DEFB121: variants seen among roughly 807,000 people sequenced by gnomAD.
DEFB121 encodes beta-defensin 121.
In DEFB121, 5 loss-of-function variants were observed where a neutral mutation model predicts 2.5. That is an observed-to-expected ratio of 1.96 (90% CI 1.03 to 4.13). The LOEUF is 4.13. Among genes scored for constraint, DEFB121 ranks in the 30% most tolerant of loss-of-function variants. DEFB121 has a pLI of 0.00. For missense variants in DEFB121, 87 were observed against 85.0 expected (o/e 1.02, Z -0.09); for synonymous variants, 39 against 32.6 (o/e 1.20, Z -0.67).
chr20:31,405,224 C>A (rs1978438245), intron 1 of DEFB121, 139 bp from the exon 2 acceptor site: 1 of 801,386 alleles, frequency 1.2e-6, no homozygotes, highest in Non-Finnish European at 1.9e-6. Context: ...ACACAGGATC[C>A]CCTAAGTTTA....
chr20:31,416,204 G>T (rs1978800904), upstream of DEFB121, among the ~76,000 whole-genome samples: 1 of 152,140 alleles, frequency 6.6e-6, no homozygotes, highest in African/African-American at 2.4e-5. Context: ...GGGACTACAG[G>T]TGTGCGCCAC....
At chr20:31,405,312 T>C (rs2122346862) in intron 1 of DEFB121, among the ~76,000 whole-genome samples, 2 of 151,642 alleles carry the variant, frequency 1.3e-5, no homozygotes, top group East Asian at 3.9e-4. Flanking sequence ...CCCAACTCAG[T>C]GGCATAGGAC....
chr20:31,418,489 A>G, the DEFB121 span, among the ~76,000 whole-genome samples: 1 of 152,098 alleles, frequency 6.6e-6, no homozygotes, highest in African/African-American at 2.4e-5. Flanking sequence ...AGGCACCAAA[A>G]TCACCTTTTC....
chr20:31,414,959 T>C (rs2122365033), upstream of DEFB121, among the ~76,000 whole-genome samples: 1 of 151,962 alleles, frequency 6.6e-6, no homozygotes, highest in South Asian at 2.1e-4. Context: ...AGTGGGGAGG[T>C]GGTGCTGAGA....
upstream of DEFB121, among the ~76,000 whole-genome samples, chr20:31,407,199 G>A (rs577473800): frequency 3.4e-3 from 510 of 151,946 alleles, 5 homozygotes; most frequent in African/African-American, 0.011. Context: ...GCAGTGAGCC[G>A]AGATTGTGCC....
upstream of DEFB121, among the ~76,000 whole-genome samples, chr20:31,409,940 G>A (rs1228674377): frequency 1.3e-5 from 2 of 152,082 alleles, no homozygotes; most frequent in Non-Finnish European, 2.9e-5. Flanking sequence ...GGCATTGACT[G>A]AGATGGGGCA....
upstream of DEFB121, among the ~76,000 whole-genome samples, chr20:31,406,600 C>A (rs540958769): frequency 3.3e-5 from 5 of 152,150 alleles, no homozygotes; most frequent in South Asian, 1.0e-3. Context: ...ATTATAATAC[C>A]AAATGAAGGG....
chr20:31,408,680 A>G (rs1978564932), upstream of DEFB121, among the ~76,000 whole-genome samples: 1 of 152,164 alleles, frequency 6.6e-6, no homozygotes, highest in South Asian at 2.1e-4. Flanking sequence ...TCAAGTTTAA[A>G]TTTTGTATAA....
intron 1 of DEFB121, among the ~76,000 whole-genome samples, chr20:31,405,893 G>T (rs997024526): frequency 6.6e-6 from 1 of 152,174 alleles, no homozygotes; most frequent in Non-Finnish European, 1.5e-5. Context: ...CAGAGATAAG[G>T]TTGGAATGGT....
At chr20:31,417,500 A>G (rs1249210261), upstream of DEFB121, among the ~76,000 whole-genome samples, 1 of 152,234 alleles carries the variant, frequency 6.6e-6, no homozygotes, top group Non-Finnish European at 1.5e-5. Context: ...GGAGTCCAAC[A>G]TATGAAAAAT....
upstream of DEFB121, among the ~76,000 whole-genome samples, chr20:31,415,904 C>T (rs6057781): frequency 6.6e-6 from 1 of 152,150 alleles, no homozygotes; most frequent in Non-Finnish European, 1.5e-5. Flanking sequence ...CTGCCAGCTC[C>T]TGCACCATAT....
upstream of DEFB121, among the ~76,000 whole-genome samples, chr20:31,410,194 A>G (rs1196105008): frequency 6.6e-6 from 1 of 152,224 alleles, no homozygotes; most frequent in Non-Finnish European, 1.5e-5. Context: ...AAAGAAGGAA[A>G]TCACATCCTT....
intron 1 of DEFB121, among the ~76,000 whole-genome samples, chr20:31,411,469 T>C (rs1978661128): frequency 6.6e-6 from 1 of 152,150 alleles, no homozygotes; most frequent in African/African-American, 2.4e-5. Flanking sequence ...AGCTTTTCTT[T>C]GTTGCCACAC....
chr20:31,414,865 A>G (rs949551798), upstream of DEFB121, among the ~76,000 whole-genome samples: 1 of 152,188 alleles, frequency 6.6e-6, no homozygotes, highest in Non-Finnish European at 1.5e-5. Context: ...AGCCTAAGCA[A>G]CATAGCGAGA....
chr20:31,408,079 T>C (rs949412441), upstream of DEFB121, among the ~76,000 whole-genome samples: 2 of 152,146 alleles, frequency 1.3e-5, no homozygotes, highest in African/African-American at 4.8e-5. Context: ...GCACCTGGCC[T>C]AGGTCTATCA....
chr20:31,405,178 G>C (rs1161957335), intron 1 of DEFB121, 93 bp from the exon 2 acceptor site: 3 of 1,249,574 alleles, frequency 2.4e-6, no homozygotes, highest in Non-Finnish European at 3.3e-6. Context: ...AGAGGAGTAG[G>C]AGGGAAATGA....
At chr20:31,416,074 G>GTTTGTTTGTTTT (rs36096427), upstream of DEFB121, among the ~76,000 whole-genome samples, 2 of 151,852 alleles carry the variant, frequency 1.3e-5, no homozygotes, top group Non-Finnish European at 2.9e-5. Flanking sequence ...TTGTTTGTTT[G>GTTTGTTTGTTTT]TTTTTAGACA....
Position 31,405,056 on chromosome 20 carries a change from A to G in DEFB121, c.88T>C (p.Cys30Arg). The G allele has an allele frequency of 6.2e-7, 1 of 1,605,466 alleles. No homozygotes were observed. The highest frequency in any genetic ancestry group is 1.1e-5 in the South Asian group (1 of 88,804). ...VMKCWGKSGR[C>R]RTTCKESEVY... ...TCACTTTCTTTACATGTTGTTCTGC[A>G]CCTGCCTGACTTGCCCCAACATTTC... Residue 30 changes from cysteine (C) to arginine (R), a missense_variant, in exon 2 of 2, where the codon TGC (cysteine) becomes CGC (arginine). Coordinates refer to ENST00000376314, the MANE Select transcript of DEFB121 (RefSeq NM_001011878.3).
the DEFB121 span, among the ~76,000 whole-genome samples, chr20:31,418,432 G>A: frequency 1.3e-5 from 2 of 152,218 alleles, no homozygotes; most frequent in Non-Finnish European, 1.5e-5. Context: ...TAAAGAGGTA[G>A]GAGGCAGGAC....
Sources: allele counts gnomAD v4.1 joint callset (sites outside exome capture counted in the v4.1 genomes callset), GRCh38; gene constraint gnomAD v4.1.1; transcripts MANE v1.5; gene names NCBI Gene and HGNC (gene_info 2026-07-23, HGNC 2026-07-21).